The following EPB41L2 variants were observed in gnomAD, a reference collection of about 807,000 sequenced individuals.
The protein encoded by EPB41L2 is erythrocyte membrane protein band 4.1 like 2, also known as band 4.1-like protein 2.
In EPB41L2, 43 loss-of-function variants were observed where a neutral mutation model predicts 113.0. The observed-to-expected ratio is 0.38, with a 90% CI of 0.30 to 0.49. The LOEUF (loss-of-function observed/expected upper bound fraction) is 0.49, where lower values mean the gene tolerates loss of function less well. EPB41L2 is among the 20% of genes least tolerant of loss of function. The pLI is 0.95. For missense variants in EPB41L2, 1,147 were observed against 1,223.4 expected (o/e 0.94, Z 0.93); for synonymous variants, 442 against 436.7 (o/e 1.01, Z -0.15).
intron 14 of EPB41L2, among the ~76,000 whole-genome samples, chr6:130,875,120 AC>A (rs1787096627): frequency 6.6e-6 from 1 of 152,160 alleles, no homozygotes; most frequent in Admixed American, 6.5e-5. Flanking sequence ...TCTCAACTAG[AC>A]CATAAACTCC....
chr6:130,900,342 A>G (rs1277885878), intron 7 of EPB41L2, among the ~76,000 whole-genome samples: 1 of 152,232 alleles, frequency 6.6e-6, no homozygotes, highest in Non-Finnish European at 1.5e-5. Context: ...ATTTTGCAAT[A>G]TAGAACAAAT....
At chr6:130,922,864 T>A (rs1340718286) in intron 4 of EPB41L2, among the ~76,000 whole-genome samples, 1 of 152,216 alleles carries the variant, frequency 6.6e-6, no homozygotes, top group South Asian at 2.1e-4. Flanking sequence ...AGCTACCCCA[T>A]GCACCCTGCA....
intron 3 of EPB41L2, among the ~76,000 whole-genome samples, chr6:130,930,065 G>A (rs1806282623): frequency 6.6e-6 from 1 of 152,068 alleles, no homozygotes; most frequent in Non-Finnish European, 1.5e-5. Flanking sequence ...AAGAGCAGCA[G>A]AGTGAGACAA....
chr6:130,929,902 C>CAG (rs1307195800), intron 3 of EPB41L2, among the ~76,000 whole-genome samples: 3 of 148,416 alleles, frequency 2.0e-5, no homozygotes, highest in African/African-American at 7.5e-5. Flanking sequence ...CACACATACA[C>CAG]GCACAGTCAT....
chr6:130,878,904 C>T (rs1788407280), intron 13 of EPB41L2, among the ~76,000 whole-genome samples: 1 of 152,102 alleles, frequency 6.6e-6, no homozygotes, highest in Admixed American at 6.5e-5. Flanking sequence ...ATAAATAAAC[C>T]ACAGACTGGT....
At chr6:131,054,848 C>G (rs1289257835) in intron 1 of EPB41L2, among the ~76,000 whole-genome samples, 1 of 152,202 alleles carries the variant, frequency 6.6e-6, no homozygotes, top group Non-Finnish European at 1.5e-5. Context: ...TATTGGGTAA[C>G]AAGAGCAGGG....
chr6:130,864,642 C>T (rs1314089608), intron 17 of EPB41L2, among the ~76,000 whole-genome samples: 5 of 152,212 alleles, frequency 3.3e-5, no homozygotes, highest in Admixed American at 1.3e-4. Flanking sequence ...GATAAATGTA[C>T]ACTCTCAGTC....
At position 130,956,766 on chromosome 6, in the gene EPB41L2, C is replaced by A. The variant is rs1817580497; in HGVS notation, c.-14-267G>T. Among the ~76,000 whole-genome samples, 2 of 152,136 alleles carry A rather than the reference C, an allele frequency of 1.3e-5. 1 individual carries two copies. Among genetic ancestry groups the A allele is most frequent in the Admixed American group, 1.3e-4 (2 of 15,276 alleles). On this transcript the variant is annotated intron_variant, in intron 1 of 19. Coordinates refer to ENST00000337057, the MANE Select transcript of EPB41L2 (RefSeq NM_001431.4). ...GTTCCATATAGCTAGAACTTAAAATCATCAAGAACTCAAGAAACAGGGATT... is the reference window on the plus strand; with the variant it reads ...GTTCCATATAGCTAGAACTTAAAATAATCAAGAACTCAAGAAACAGGGATT...
intron 1 of EPB41L2, among the ~76,000 whole-genome samples, chr6:130,957,475 G>A (rs529242425): frequency 2.0e-5 from 3 of 152,190 alleles, no homozygotes; most frequent in Admixed American, 6.5e-5. Flanking sequence ...CCTGGACAAC[G>A]AGTAGTGTCC....
chr6:130,990,479 G>A (rs918288328), intron 1 of EPB41L2, among the ~76,000 whole-genome samples: 2 of 152,134 alleles, frequency 1.3e-5, no homozygotes, highest in Admixed American at 6.6e-5. Flanking sequence ...AATGTAAATG[G>A]TCTCAAGACA....
chr6:130,872,322 C>A (rs747985515), intron 14 of EPB41L2: 13 of 1,222,166 alleles, frequency 1.1e-5, no homozygotes, highest in African/African-American at 1.6e-5. Context: ...AAATGAAAAT[C>A]TCTCTCATAT....
At chr6:130,902,789 T>C (rs542985442) in intron 6 of EPB41L2, among the ~76,000 whole-genome samples, 1 of 152,302 alleles carries the variant, frequency 6.6e-6, no homozygotes, top group East Asian at 1.9e-4. Context: ...AGCCTAAGTC[T>C]AAATCCTAAA....
rs140537214 is a variant in EPB41L2 at position 130,947,613 on chromosome 6, G to T, written c.705+7492C>A. ...AATAGTCCTCAGACGGTGATTTCCG[G>T]TGTAGAGATACAGAACCACCGATAA... On this transcript the variant is annotated intron_variant, in intron 3 of 19. Coordinates refer to ENST00000337057, the MANE Select transcript of EPB41L2 (RefSeq NM_001431.4). Among the ~76,000 whole-genome samples the T allele has an allele frequency of 5.8e-3, 878 of 152,108 alleles. 5 individuals carry two copies. Among genetic ancestry groups the T allele is most frequent in the Non-Finnish European group, 0.011 (732 of 67,972 alleles).
intron 1 of EPB41L2, among the ~76,000 whole-genome samples, chr6:131,025,903 T>C (rs540139353): frequency 1.3e-5 from 2 of 152,260 alleles, no homozygotes; most frequent in South Asian, 4.1e-4. Flanking sequence ...AAATGTAAGA[T>C]TATCCTTTAA....
At chr6:130,962,939 T>A (rs1773975732) in intron 1 of EPB41L2, among the ~76,000 whole-genome samples, 1 of 152,146 alleles carries the variant, frequency 6.6e-6, no homozygotes, top group Admixed American at 6.5e-5. Context: ...GATCTCTCCC[T>A]CTAAAAAGAG....
At chr6:131,003,390 TA>T (rs1344728835) in intron 1 of EPB41L2, among the ~76,000 whole-genome samples, 1 of 152,174 alleles carries the variant, frequency 6.6e-6, no homozygotes, top group Non-Finnish European at 1.5e-5. Context: ...AATAAACATA[TA>T]AAAAGATCCA....
chr6:130,850,351 C>A (rs1008395577), intron 19 of EPB41L2, among the ~76,000 whole-genome samples: 1 of 152,168 alleles, frequency 6.6e-6, no homozygotes, highest in Non-Finnish European at 1.5e-5. Flanking sequence ...CAAGTATAAT[C>A]TTTGAAGCTG....
At chr6:131,054,067 G>A (rs1238857248) in intron 1 of EPB41L2, among the ~76,000 whole-genome samples, 1 of 152,180 alleles carries the variant, frequency 6.6e-6, no homozygotes, top group African/African-American at 2.4e-5. Context: ...TGTGACTCCG[G>A]TCGGTCCTCA....
At chr6:131,052,959 G>C (rs185945709) in intron 1 of EPB41L2, among the ~76,000 whole-genome samples, 1 of 151,862 alleles carries the variant, frequency 6.6e-6, no homozygotes, top group African/African-American at 2.4e-5. Context: ...GCTATGGTGC[G>C]ATCTTGGCTC....
Sources: gnomAD v4.1 joint callset for allele counts (sites outside exome capture counted in the v4.1 genomes callset) on GRCh38, gnomAD v4.1.1 for gene constraint, MANE v1.5 for transcripts, NCBI Gene and HGNC (gene_info 2026-07-23, HGNC 2026-07-21) for gene names.